The following RBFOX1 variants were observed in gnomAD, a reference collection of about 807,000 sequenced individuals.
RBFOX1 encodes the protein RNA binding fox-1 homolog 1, also known as RNA binding protein fox-1 homolog 1.
In RBFOX1, 8 loss-of-function variants were observed where a neutral mutation model predicts 57.7. The ratio of observed to expected loss-of-function variants is 0.14; its 90% CI spans 0.08 to 0.25. The LOEUF is 0.25. Ranked by LOEUF, RBFOX1 falls within the 10% of genes least tolerant of loss-of-function variation. The pLI is 1.00. For missense variants in RBFOX1, 611 were observed against 548.5 expected (o/e 1.11, Z -1.14); for synonymous variants, 326 against 222.4 (o/e 1.47, Z -4.15).
intron 4 of RBFOX1, among the ~76,000 whole-genome samples, chr16:7,500,447 T>G: frequency 6.6e-6 from 1 of 152,218 alleles, no homozygotes; most frequent in East Asian, 1.9e-4. Context: ...ATAATGTCCA[T>G]ATTCAGTTTT....
chr16:6,056,447 G>C (rs1472669983), intron 1 of RBFOX1, among the ~76,000 whole-genome samples: 1 of 151,852 alleles, frequency 6.6e-6, no homozygotes, highest in Non-Finnish European at 1.5e-5. Flanking sequence ...TTCTCTTTCT[G>C]CTTTACCCAT....
chr16:7,259,329 T>G (rs897921116), intron 4 of RBFOX1, among the ~76,000 whole-genome samples: 1 of 152,088 alleles, frequency 6.6e-6, no homozygotes, highest in African/African-American at 2.4e-5. Context: ...GGCACACACA[T>G]GCAAATTATC....
At chr16:7,686,477 C>G (rs531204636) in intron 14 of RBFOX1, among the ~76,000 whole-genome samples, 1 of 152,080 alleles carries the variant, frequency 6.6e-6, no homozygotes, top group Non-Finnish European at 1.5e-5. Flanking sequence ...ACCCAGCCTT[C>G]GAACTATCAC....
In RBFOX1 at chr16:6,930,825, A is replaced by G. The variant is rs1019884915; in HGVS notation, c.-15-121232A>G. 8.5e-5 allele frequency among the ~76,000 whole-genome samples: 13 copies of G among 152,236 alleles called. No individual in the cohort carries two copies. In the South Asian group the frequency reaches 1.5e-3, roughly 17 times the overall value. ...TTTATTCAGTCTATGAGCAAATGTC[A>G]TCTTGTAAGAGAATGTTCTGGATCA... On this transcript the variant is annotated intron_variant, in intron 3 of 15. Transcript: ENST00000550418.
At chr16:6,084,411 G>C (rs990152057) in intron 1 of RBFOX1, among the ~76,000 whole-genome samples, 1 of 151,840 alleles carries the variant, frequency 6.6e-6, no homozygotes, top group African/African-American at 2.4e-5. Flanking sequence ...GTCCAGCTAT[G>C]TTTTGTATTT....
intron 4 of RBFOX1, among the ~76,000 whole-genome samples, chr16:7,278,120 C>A (rs537424026): frequency 1.6e-4 from 25 of 151,828 alleles, no homozygotes; most frequent in African/African-American, 5.6e-4. Flanking sequence ...TATTTGGCTC[C>A]GCTTGGTTTC....
intron 3 of RBFOX1, among the ~76,000 whole-genome samples, chr16:6,872,957 G>A (rs1052334437): frequency 4.6e-5 from 7 of 152,036 alleles, no homozygotes; most frequent in Admixed American, 6.6e-5. Context: ...TTCCCCGGCC[G>A]CAGCTGGTCT....
At chr16:6,509,701 G>C (rs943970272) in intron 2 of RBFOX1, among the ~76,000 whole-genome samples, 1 of 152,132 alleles carries the variant, frequency 6.6e-6, no homozygotes, top group African/African-American at 2.4e-5. Context: ...CGGATTGTTT[G>C]CAGCACAAAA....
chr16:7,224,663 G>GT (rs1157751056), intron 4 of RBFOX1, among the ~76,000 whole-genome samples: 1 of 152,208 alleles, frequency 6.6e-6, no homozygotes, highest in African/African-American at 2.4e-5. Context: ...TTAAAATAAA[G>GT]TAGAAAGACC....
intron 1 of RBFOX1, among the ~76,000 whole-genome samples, chr16:6,122,492 C>G (rs1441437184): frequency 6.6e-6 from 1 of 152,184 alleles, no homozygotes; most frequent in Admixed American, 6.5e-5. Context: ...TCACCACTTT[C>G]TCATTCGAGT....
intron 14 of RBFOX1, among the ~76,000 whole-genome samples, chr16:7,698,567 A>G (rs1438729608): frequency 1.3e-5 from 2 of 152,138 alleles, no homozygotes; most frequent in East Asian, 1.9e-4. Flanking sequence ...ACTTTAGGTA[A>G]TATTTAATAT....
rs1176285389 is a variant in RBFOX1 at position 7,579,932 on chromosome 16, C to G, written c.414+12C>G. 6.2e-7 allele frequency: 1 copy of G among 1,613,754 alleles called. No individual in the cohort carries two copies. Among genetic ancestry groups the G allele is most frequent in the South Asian group, 1.1e-5 (1 of 91,068 alleles). ...GACAAATGTTTGGTGTAAGTATCAC[C>G]TTTCTTCCCAGCAGTGCCCGCTCTG... On this transcript the variant is annotated intron_variant, in intron 6 of 15. Coordinates refer to ENST00000550418, the MANE Select transcript of RBFOX1 (RefSeq NM_018723.4).
intron 3 of RBFOX1, among the ~76,000 whole-genome samples, chr16:6,867,254 TTTTTCCTTTC>T (rs1180214258): frequency 5.9e-5 from 9 of 152,176 alleles, no homozygotes; most frequent in South Asian, 4.1e-4. Flanking sequence ...TTCTTCCTTT[TTTTTCCTTTC>T]TGATGAGCAT....
At chr16:6,546,400 A>T (rs1207283720) in intron 2 of RBFOX1, among the ~76,000 whole-genome samples, 1 of 152,224 alleles carries the variant, frequency 6.6e-6, no homozygotes, top group Admixed American at 6.5e-5. Flanking sequence ...TTCTGGGCCA[A>T]GGAGCCCAAA....
chr16:6,563,944 C>G (rs774530590), intron 2 of RBFOX1, among the ~76,000 whole-genome samples: 2 of 151,856 alleles, frequency 1.3e-5, no homozygotes, highest in South Asian at 2.1e-4. Context: ...TTAGGTCTGC[C>G]TGCCACAGTG....
chr16:6,015,711 G>C (rs2094989482), upstream of RBFOX1, among the ~76,000 whole-genome samples: 1 of 152,118 alleles, frequency 6.6e-6, no homozygotes, highest in African/African-American at 2.4e-5. Flanking sequence ...CCAACTCTCT[G>C]TGGAATTCCT....
intron 4 of RBFOX1, among the ~76,000 whole-genome samples, chr16:7,274,699 T>C (rs2095407012): frequency 6.6e-6 from 1 of 150,868 alleles, no homozygotes; most frequent in Non-Finnish European, 1.5e-5. Flanking sequence ...TATTTTATTT[T>C]TTTGAGGCAA....
intron 1 of RBFOX1, among the ~76,000 whole-genome samples, chr16:6,270,529 C>A (rs139043262): frequency 1.0e-4 from 15 of 147,392 alleles, no homozygotes; most frequent in Non-Finnish European, 2.1e-4. Context: ...GTCAGTCCAA[C>A]AAGAATAGCA....
Position 7,279,089 on chromosome 16 carries a change from CT to C in RBFOX1, c.27+227003del, listed in dbSNP as rs200732239. Among the ~76,000 whole-genome samples the C allele has an allele frequency of 4.7e-3, 638 of 136,078 alleles. 1 individual carries two copies. The highest frequency in any genetic ancestry group is 8.0e-3 in the East Asian group (37 of 4,646). The allele number at this position is 136,078 out of a possible 152,430, so 89.3% of individuals were successfully genotyped here. ...AAAGTGACGTAGGTTTCTGGAGACT[CT>C]TTTTTTTTTTTAATGTACATTTTCT... is the stretch of plus-strand genomic sequence containing the variant. On this transcript the variant is annotated intron_variant, in intron 4 of 15. Transcript: ENST00000550418.
Sources: allele counts gnomAD v4.1 joint callset (sites outside exome capture counted in the v4.1 genomes callset), GRCh38; gene constraint gnomAD v4.1.1; transcripts MANE v1.5; gene names NCBI Gene and HGNC (gene_info 2026-07-23, HGNC 2026-07-21).